Variants in CTIF observed in about 807,000 individuals in gnomAD.
The protein encoded by CTIF is CBP80/20-dependent translation initiation factor.
CTIF carries 21 observed loss-of-function variants against 66.0 expected under a neutral mutation model. That is an observed-to-expected ratio of 0.32 (90% confidence interval 0.23 to 0.46). The LOEUF (loss-of-function observed/expected upper bound fraction) is 0.46, where lower values mean the gene tolerates loss of function less well. Ranked by LOEUF, CTIF falls within the 20% of genes least tolerant of loss-of-function variation. The pLI, the probability that CTIF is intolerant of heterozygous loss-of-function variation, is 1.00. For synonymous variants in CTIF, 345 were observed against 326.4 expected, an observed-to-expected ratio of 1.06 and a Z score of -0.62; for missense variants, 739 against 812.7, an observed-to-expected ratio of 0.91 and a Z score of 1.10.
intron 6 of CTIF, among the ~76,000 whole-genome samples, chr18:48,695,718 C>A (rs1181689900): frequency 6.6e-6 from 1 of 152,200 alleles, no homozygotes; most frequent in Non-Finnish European, 1.5e-5. Flanking sequence ...CATTACAGCC[C>A]GTTGCTATCA....
chr18:48,743,018 A>C (rs1209316313), intron 7 of CTIF, among the ~76,000 whole-genome samples: 1 of 152,196 alleles, frequency 6.6e-6, no homozygotes, highest in Admixed American at 6.5e-5. Flanking sequence ...CAAATATTTA[A>C]TTTTTTACCC....
intron 7 of CTIF, among the ~76,000 whole-genome samples, chr18:48,729,272 C>T (rs1206428000): frequency 3.3e-5 from 5 of 152,136 alleles, no homozygotes; most frequent in Admixed American, 6.5e-5. Context: ...CCACGTTCCC[C>T]CCACCACCAC....
intron 10 of CTIF, among the ~76,000 whole-genome samples, chr18:48,821,234 C>A (rs2068477674): frequency 1.3e-5 from 2 of 152,248 alleles, no homozygotes; most frequent in African/African-American, 4.8e-5. Context: ...CATCCTCACC[C>A]CAGCCTCTTC....
At chr18:48,804,076 C>T (rs986196992) in intron 9 of CTIF, among the ~76,000 whole-genome samples, 3 of 152,188 alleles carry the variant, frequency 2.0e-5, no homozygotes, top group Admixed American at 6.5e-5. Context: ...TCCAAGAATC[C>T]TCAGTGTCTA....
chr18:48,854,525 C>T (rs1159322898), intron 10 of CTIF, among the ~76,000 whole-genome samples: 1 of 152,198 alleles, frequency 6.6e-6, no homozygotes, highest in Non-Finnish European at 1.5e-5. Flanking sequence ...ACCCGTCTTG[C>T]TCTCTGCCCC....
chr18:48,697,004 G>T (rs1181177841), intron 6 of CTIF, among the ~76,000 whole-genome samples: 1 of 152,176 alleles, frequency 6.6e-6, no homozygotes, highest in Non-Finnish European at 1.5e-5. Flanking sequence ...CAATCACTAA[G>T]CACTGAGCCT....
chr18:48,637,400 G>A (rs774554269), intron 3 of CTIF, among the ~76,000 whole-genome samples: 13 of 152,142 alleles, frequency 8.5e-5, no homozygotes, highest in Non-Finnish European at 1.9e-4. Flanking sequence ...CTGCCTGCAG[G>A]AGCCTGTGGG....
At chr18:48,581,719 G>T (rs1360830330) in intron 1 of CTIF, among the ~76,000 whole-genome samples, 1 of 152,168 alleles carries the variant, frequency 6.6e-6, no homozygotes, top group Admixed American at 6.5e-5. Context: ...GAGCTAGCAT[G>T]AGTATCTGTC....
chr18:48,588,588 GC>G (rs2089821530), intron 1 of CTIF, among the ~76,000 whole-genome samples: 1 of 151,138 alleles, frequency 6.6e-6, no homozygotes, highest in Non-Finnish European at 1.5e-5. Flanking sequence ...CCTGACCCCT[GC>G]CCCCACCCTC....
chr18:48,585,546 G>T (rs2089748545), intron 1 of CTIF, among the ~76,000 whole-genome samples: 1 of 152,196 alleles, frequency 6.6e-6, no homozygotes, highest in South Asian at 2.1e-4. Context: ...CCACACACTG[G>T]GGGTGACCTG....
intron 9 of CTIF, among the ~76,000 whole-genome samples, chr18:48,806,746 A>G (rs576275606): frequency 9.2e-5 from 14 of 152,288 alleles, no homozygotes; most frequent in South Asian, 2.1e-4. Context: ...GCGCTCCACC[A>G]TGCCAGAGCT....
intron 6 of CTIF, among the ~76,000 whole-genome samples, chr18:48,703,785 C>T (rs1324501464): frequency 6.6e-6 from 1 of 152,238 alleles, no homozygotes; most frequent in Non-Finnish European, 1.5e-5. Flanking sequence ...ACCACCACTC[C>T]AGCCTGTGGA....
chr18:48,545,668 C>A (rs999028592), intron 1 of CTIF, among the ~76,000 whole-genome samples: 1 of 151,940 alleles, frequency 6.6e-6, no homozygotes, highest in African/African-American at 2.4e-5. Flanking sequence ...TTCAGTGCTC[C>A]GGTATTGAAT....
intron 9 of CTIF, among the ~76,000 whole-genome samples, chr18:48,774,712 G>A (rs1294921531): frequency 6.6e-6 from 1 of 152,144 alleles, no homozygotes; most frequent in Non-Finnish European, 1.5e-5. Context: ...GACCCATTAA[G>A]CAGAGAGGGC....
At chr18:48,562,529 C>T (rs1393629308) in intron 1 of CTIF, among the ~76,000 whole-genome samples, 1 of 152,162 alleles carries the variant, frequency 6.6e-6, no homozygotes. Flanking sequence ...TTCTGCAGCC[C>T]CCCGGGATCT....
intron 9 of CTIF, among the ~76,000 whole-genome samples, chr18:48,769,815 C>T (rs778815836): frequency 5.9e-5 from 9 of 152,270 alleles, no homozygotes; most frequent in Non-Finnish European, 1.2e-4. Flanking sequence ...GCTTATTGAG[C>T]ACCTGCTATA....
At chr18:48,770,458 C>T (rs1049417327) in intron 9 of CTIF, among the ~76,000 whole-genome samples, 1 of 152,276 alleles carries the variant, frequency 6.6e-6, no homozygotes, top group Non-Finnish European at 1.5e-5. Flanking sequence ...CAGGCCTTGT[C>T]AGAGACTCTA....
chr18:48,779,880 G>A (rs969966449), intron 9 of CTIF, among the ~76,000 whole-genome samples: 4 of 152,184 alleles, frequency 2.6e-5, no homozygotes, highest in African/African-American at 9.6e-5. Context: ...CTTCCACTTG[G>A]CAGCCCTAGG....
chr18:48,735,220 C>T (rs190111610), intron 7 of CTIF, among the ~76,000 whole-genome samples: 1 of 152,194 alleles, frequency 6.6e-6, no homozygotes, highest in Non-Finnish European at 1.5e-5. Context: ...GAACCTGATC[C>T]GTCTCTGCAA....
Sources: gnomAD v4.1 joint callset for allele counts (sites outside exome capture counted in the v4.1 genomes callset) on GRCh38, gnomAD v4.1.1 for gene constraint, MANE v1.5 for transcripts, NCBI Gene and HGNC (gene_info 2026-07-23, HGNC 2026-07-21) for gene names.